SUGCT: variants seen among roughly 807,000 people sequenced by gnomAD.
The protein encoded by SUGCT is succinyl-CoA:glutarate CoA-transferase.
SUGCT carries 41 observed loss-of-function variants against 55.0 expected under a neutral mutation model. That is an observed-to-expected ratio of 0.74 (90% CI 0.58 to 0.97). SUGCT has a LOEUF of 0.97. Ranked by LOEUF, SUGCT falls within the 50% of genes least tolerant of loss-of-function variation. The probability of loss-of-function intolerance (pLI) is 0.00; values close to 1 mark genes in which losing one functional copy is unlikely to be tolerated. For missense variants in SUGCT, 568 were observed against 547.8 expected, an observed-to-expected ratio of 1.04 and a Z score of -0.37; for synonymous variants, 187 against 200.4, an observed-to-expected ratio of 0.93 and a Z score of 0.56.
chr7:40,960,779 A>T, the SUGCT span, among the ~76,000 whole-genome samples: 1 of 152,164 alleles, frequency 6.6e-6, no homozygotes, highest in African/African-American at 2.4e-5. Context: ...TCAGCATTAC[A>T]TCTCATTTAT....
Position 40,201,114 on chromosome 7 carries a change from C to A in SUGCT, c.484+6054C>A. Among the ~76,000 whole-genome samples, 2 of 151,412 alleles carry A rather than the reference C, an allele frequency of 1.3e-5. 1 individual carries two copies. On this transcript the variant is annotated intron_variant, in intron 6 of 13. Coordinates refer to ENST00000335693, the MANE Select transcript of SUGCT (RefSeq NM_001193313.2). ...GAATAGGATCTGCAAATCCATACTG[C>A]AAATTCATAGATGTTTTGAAGGTGA... is the stretch of plus-strand genomic sequence containing the variant.
At chr7:40,947,323 T>C in the SUGCT span, among the ~76,000 whole-genome samples, 2 of 152,206 alleles carry the variant, frequency 1.3e-5, no homozygotes, top group Admixed American at 1.3e-4. Flanking sequence ...CTATTGACAT[T>C]CTCCAATTGA....
intron 1 of SUGCT, among the ~76,000 whole-genome samples, chr7:40,135,977 G>GA (rs1385221026): frequency 1.4e-5 from 2 of 147,772 alleles, no homozygotes; most frequent in African/African-American, 5.0e-5. Flanking sequence ...TATGAATCTT[G>GA]AAATTAGTTG....
At chr7:40,188,398 C>T (rs1785669438) in intron 3 of SUGCT, 97 bp from the exon 4 acceptor site, 3 of 817,254 alleles carry the variant, frequency 3.7e-6, no homozygotes, top group Admixed American at 3.1e-5. Context: ...CGTTCCTCTG[C>T]ACTCCAGCCT....
intron 12 of SUGCT, among the ~76,000 whole-genome samples, chr7:40,592,777 T>G (rs1797798883): frequency 6.6e-6 from 1 of 152,206 alleles, no homozygotes; most frequent in Non-Finnish European, 1.5e-5. Context: ...GTCTATGTTT[T>G]GTTTTGTTTC....
At chr7:40,491,600 G>C (rs1001103129) in intron 11 of SUGCT, among the ~76,000 whole-genome samples, 2 of 152,076 alleles carry the variant, frequency 1.3e-5, no homozygotes, top group African/African-American at 4.8e-5. Flanking sequence ...GATGTCATCT[G>C]CATAGAGATG....
intron 12 of SUGCT, among the ~76,000 whole-genome samples, chr7:40,667,347 C>G (rs566540849): frequency 6.6e-6 from 1 of 152,130 alleles, no homozygotes; most frequent in East Asian, 1.9e-4. Context: ...AGTTGGTTTG[C>G]CAATATTTTG....
chr7:40,249,325 A>ATCTATATATATCTATATATC lies in SUGCT; in HGVS notation c.576+11600_576+11601insCTATATATATCTATATATCT, dbSNP rs1562612054. Among the ~76,000 whole-genome samples the ATCTATATATATCTATATATC allele has an allele frequency of 1.3e-4, 15 of 117,426 alleles. 1 individual carries two copies. Among genetic ancestry groups the ATCTATATATATCTATATATC allele is most frequent in the Non-Finnish European group, 2.3e-4 (13 of 56,936 alleles). The allele number at this position is 117,426 out of a possible 152,430, so 77.0% of individuals were successfully genotyped here. On this transcript the variant is annotated intron_variant, in intron 7 of 13. Transcript: ENST00000335693. ...AAACACCAAAAAGCTATATATATAT[A>ATCTATATATATCTATATATC]TATATATATATATATATATATAATT...
Position 40,231,391 on chromosome 7 carries a change from G to A in SUGCT, c.485-6244G>A, listed in dbSNP as rs552941828. 2.0e-4 allele frequency among the ~76,000 whole-genome samples: 30 copies of A among 152,272 alleles called. No homozygotes were observed. In the East Asian group the frequency reaches 5.6e-3, roughly 28 times the overall value. On this transcript the variant is annotated intron_variant, in intron 6 of 13. Transcript: ENST00000335693. The stretch of plus-strand genomic sequence containing the variant: ...GCCTCAGGGTACTAACATTCTAGAG[G>A]AGAGAGATATCCATCAAAAATATAA...
intron 12 of SUGCT, among the ~76,000 whole-genome samples, chr7:40,557,197 G>A (rs1263150728): frequency 6.6e-6 from 1 of 152,140 alleles, no homozygotes; most frequent in East Asian, 1.9e-4. Context: ...CACACATGTG[G>A]GGTAAGCTGA....
intron 13 of SUGCT, among the ~76,000 whole-genome samples, chr7:40,803,928 C>T (rs1007629628): frequency 5.9e-5 from 9 of 152,016 alleles, no homozygotes; most frequent in Non-Finnish European, 1.0e-4. Context: ...GAGGAGGAAA[C>T]GATTTATATT....
At chr7:40,149,182 C>G (rs6978474) in intron 1 of SUGCT, among the ~76,000 whole-genome samples, 90,221 of 151,968 alleles carry the variant, frequency 0.59, 28,589 homozygotes, top group African/African-American at 0.83. Flanking sequence ...GCTTATTTTA[C>G]ATTTAAAGAT....
At chr7:40,211,716 T>C (rs1416496912) in intron 6 of SUGCT, among the ~76,000 whole-genome samples, 5 of 152,200 alleles carry the variant, frequency 3.3e-5, no homozygotes, top group Non-Finnish European at 7.3e-5. Flanking sequence ...CCAGGTGGAA[T>C]CTGGGCTTGT....
chr7:40,713,930 C>T (rs894049111), intron 12 of SUGCT, among the ~76,000 whole-genome samples: 3 of 152,206 alleles, frequency 2.0e-5, no homozygotes, highest in Non-Finnish European at 4.4e-5. Flanking sequence ...TGGTATCTAA[C>T]TTCCATTTCC....
intron 1 of SUGCT, among the ~76,000 whole-genome samples, chr7:40,147,128 C>A (rs1788290275): frequency 6.6e-6 from 1 of 151,960 alleles, no homozygotes; most frequent in Non-Finnish European, 1.5e-5. Flanking sequence ...CCTCTGCCAG[C>A]CGCTTATGCT....
the SUGCT span, among the ~76,000 whole-genome samples, chr7:40,917,499 T>G: frequency 6.6e-6 from 1 of 152,190 alleles, no homozygotes; most frequent in Non-Finnish European, 1.5e-5. Flanking sequence ...TCTCCTTTTG[T>G]GACCACATCA....
In SUGCT at chr7:40,482,376, A is replaced by G. The variant is rs372039680; in HGVS notation, c.987-13908A>G. Among the ~76,000 whole-genome samples, 6 of 120,252 alleles carry G rather than the reference A, an allele frequency of 5.0e-5. No homozygotes were observed. In the East Asian group the frequency reaches 1.2e-3, roughly 24 times the overall value. 78.9% of individuals were successfully genotyped at this position (120,252 alleles called of 152,430 possible). ...ACAGAATCATGGTATGGAGAAAAGAATAAAAAGTAAACATCCACAATTTAT... is the reference window on the plus strand; with the variant it reads ...ACAGAATCATGGTATGGAGAAAAGAGTAAAAAGTAAACATCCACAATTTAT... On this transcript the variant is annotated intron_variant, in intron 11 of 13. Transcript: ENST00000335693.
intron 8 of SUGCT, among the ~76,000 whole-genome samples, chr7:40,278,960 C>T (rs536049040): frequency 2.6e-5 from 4 of 151,116 alleles, no homozygotes; most frequent in Admixed American, 2.0e-4. Flanking sequence ...CCTAGTGGTT[C>T]GGACTACAGG....
At chr7:40,137,683 T>C (rs140473597) in intron 1 of SUGCT, among the ~76,000 whole-genome samples, 354 of 152,252 alleles carry the variant, frequency 2.3e-3, no homozygotes, top group African/African-American at 8.3e-3. Context: ...TATATATTTT[T>C]TATTTATTTA....
Sources: gnomAD v4.1 joint callset for allele counts (sites outside exome capture counted in the v4.1 genomes callset) on GRCh38, gnomAD v4.1.1 for gene constraint, MANE v1.5 for transcripts, NCBI Gene and HGNC (gene_info 2026-07-23, HGNC 2026-07-21) for gene names.